Variants in HMSD observed in about 807,000 individuals in gnomAD.
HMSD encodes the protein histocompatibility minor serpin domain containing, also known as serpin-like protein HMSD.
In HMSD, 13 loss-of-function variants were observed where a neutral mutation model predicts 10.0. The observed-to-expected ratio is 1.31, with a 90% CI of 0.85 to 2.08. The LOEUF (loss-of-function observed/expected upper bound fraction) is 2.08, where lower values mean the gene tolerates loss of function less well. HMSD is among the 30% of genes most tolerant of loss of function. The pLI is 0.00. For synonymous variants in HMSD, 51 were observed against 54.2 expected, an observed-to-expected ratio of 0.94 and a Z score of 0.26; for missense variants, 169 against 166.3, an observed-to-expected ratio of 1.02 and a Z score of -0.09.
At chr18:63,958,358 T>G (rs2050369847) in intron 3 of HMSD, among the ~76,000 whole-genome samples, 1 of 152,146 alleles carries the variant, frequency 6.6e-6, no homozygotes, top group South Asian at 2.1e-4. Context: ...TACAGTCACA[T>G]TTCCTCTCCA....
intron 3 of HMSD, among the ~76,000 whole-genome samples, chr18:63,958,764 G>A (rs149264667): frequency 1.4e-3 from 214 of 152,144 alleles, no homozygotes; most frequent in African/African-American, 4.2e-3. Context: ...ATGTGGCACC[G>A]CTCTGGACAT....
chr18:63,954,165 CT>C (rs895470249), intron 2 of HMSD, among the ~76,000 whole-genome samples: 43 of 152,320 alleles, frequency 2.8e-4, no homozygotes, highest in Admixed American at 2.2e-3. Flanking sequence ...GGCATATCCA[CT>C]TATACCAATA....
chr18:63,967,205 T>G (rs1328889200), intron 3 of HMSD, among the ~76,000 whole-genome samples: 1 of 152,216 alleles, frequency 6.6e-6, no homozygotes, highest in Non-Finnish European at 1.5e-5. Context: ...TGGCACAATC[T>G]CAACTCACTG....
chr18:63,962,595 C>G (rs1022337343), downstream of HMSD, among the ~76,000 whole-genome samples: 18 of 152,156 alleles, frequency 1.2e-4, no homozygotes, highest in African/African-American at 4.1e-4. Flanking sequence ...ATTGCTACCC[C>G]CTCCAGGAGT....
In HMSD at chr18:63,953,333, T is replaced by C; in HGVS notation, c.-102-21T>C. 1.2e-5 allele frequency: 8 copies of C among 684,652 alleles called. No homozygotes were observed. The South Asian group carries it at 1.3e-4, about 12-fold the overall frequency. The allele number at this position is 684,652 out of a possible 1,614,324, so 42.4% of individuals were successfully genotyped here. On this transcript the variant is annotated intron_variant, in intron 1 of 3. Coordinates refer to ENST00000408945, the MANE Select transcript of HMSD (RefSeq NM_001123366.2). ...GTAAGCCTATATTAATGTAATATTG[T>C]TTAAAAATCCATTGTTTCAGGCTCA...
intron 3 of HMSD, chr18:63,967,889 A>G (rs1256501022): frequency 1.7e-4 from 26 of 152,144 alleles, no homozygotes; most frequent in Admixed American, 1.7e-3. Flanking sequence ...ATTCTGAGAG[A>G]TGGGTTTCCC....
At chr18:63,954,214 G>C (rs1211214935) in intron 2 of HMSD, among the ~76,000 whole-genome samples, 194 bp from the exon 3 acceptor site, 1 of 152,196 alleles carries the variant, frequency 6.6e-6, no homozygotes. Flanking sequence ...TGTGCTTATA[G>C]GGAGGCCTGA....
chr18:63,969,638 TA>T (rs2050432545), intron 3 of HMSD: 1 of 152,134 alleles, frequency 6.6e-6, no homozygotes, highest in Admixed American at 6.5e-5. Context: ...AAGATCATAT[TA>T]TAATGAAAAG....
At chr18:63,965,000 T>C (rs1202102429), downstream of HMSD, among the ~76,000 whole-genome samples, 2 of 152,250 alleles carry the variant, frequency 1.3e-5, no homozygotes, top group South Asian at 2.1e-4. Context: ...TTAAAAAATC[T>C]ATTACTTAAT....
intron 2 of HMSD, 70 bp downstream of exon 2, chr18:63,953,597 C>A: frequency 7.8e-7 from 1 of 1,282,920 alleles, no homozygotes; most frequent in Non-Finnish European, 1.1e-6. Flanking sequence ...TTCTGCATTT[C>A]AAGTCTTGAA....
intron 1 of HMSD, among the ~76,000 whole-genome samples, chr18:63,949,733 C>A (rs929193287): frequency 6.6e-6 from 1 of 152,144 alleles, no homozygotes; most frequent in African/African-American, 2.4e-5. Flanking sequence ...AATGAGGCCT[C>A]CCACCCTGGT....
chr18:63,961,235 A>G lies in HMSD; in HGVS notation c.*880A>G, dbSNP rs1338702290. The G allele has an allele frequency of 6.6e-6, 1 of 151,994 alleles. No individual in the cohort carries two copies. Among genetic ancestry groups the G allele is most frequent in the African/African-American group, 2.4e-5 (1 of 41,378 alleles). 9.4% of individuals were successfully genotyped at this position (151,994 alleles called of 1,614,324 possible). A position where few individuals can be genotyped will look rare whatever the true frequency, so the allele number is the denominator to read the frequency against. ...TTCTTTCCTGGAATGAGGATAATCAAATCATTTCAATATGAATTATGAAAA... is the reference window on the plus strand; with the variant it reads ...TTCTTTCCTGGAATGAGGATAATCAGATCATTTCAATATGAATTATGAAAA... On this transcript the variant is annotated 3_prime_UTR_variant, in exon 4 of 4. Transcript: ENST00000408945.
chr18:63,966,052 T>A (rs2050408201), downstream of HMSD, among the ~76,000 whole-genome samples: 1 of 152,214 alleles, frequency 6.6e-6, no homozygotes, highest in African/African-American at 2.4e-5. Flanking sequence ...TGTACCTCAC[T>A]GACTACCAGG....
intron 3 of HMSD, among the ~76,000 whole-genome samples, chr18:63,957,235 A>T (rs191438828): frequency 1.6e-4 from 24 of 152,300 alleles, no homozygotes; most frequent in Admixed American, 6.5e-4. Context: ...TAAAGTTTTT[A>T]AAAAAGAATC....
intron 3 of HMSD, among the ~76,000 whole-genome samples, chr18:63,957,283 G>T (rs1003685547): frequency 4.7e-5 from 7 of 150,036 alleles, no homozygotes; most frequent in African/African-American, 7.5e-5. Context: ...ATAGGGAAGG[G>T]TTAATACAAA....
intron 1 of HMSD, among the ~76,000 whole-genome samples, chr18:63,952,151 A>T (rs1390077588): frequency 1.5e-5 from 1 of 64,746 alleles, no homozygotes; most frequent in African/African-American, 6.1e-5. Context: ...GGGTGGGGGG[A>T]GGGGGGAGGG....
At chr18:63,964,887 G>A (rs2050403703), downstream of HMSD, among the ~76,000 whole-genome samples, 1 of 152,150 alleles carries the variant, frequency 6.6e-6, no homozygotes, top group Admixed American at 6.5e-5. Context: ...TATGACCTAT[G>A]TCTTTTCCTA....
chr18:63,951,816 A>T (rs1184976724), intron 1 of HMSD, among the ~76,000 whole-genome samples: 1 of 152,136 alleles, frequency 6.6e-6, no homozygotes, highest in African/African-American at 2.4e-5. Flanking sequence ...TGGGGTTAAA[A>T]ATAGTCATAT....
chr18:63,953,633 C>G (rs1213737675), intron 2 of HMSD, 106 bp downstream of exon 2: 4 of 873,778 alleles, frequency 4.6e-6, no homozygotes, highest in Non-Finnish European at 7.5e-6. Flanking sequence ...ACAGACAACT[C>G]TGGTAGTCTC....
Sources: allele counts gnomAD v4.1 joint callset (sites outside exome capture counted in the v4.1 genomes callset), GRCh38; gene constraint gnomAD v4.1.1; transcripts MANE v1.5; gene names NCBI Gene and HGNC (gene_info 2026-07-23, HGNC 2026-07-21).